Variants in TXNDC16 observed in about 807,000 individuals in gnomAD.
TXNDC16 encodes the protein thioredoxin domain-containing protein 16.
Under a neutral mutation model 85.6 loss-of-function variants are expected in TXNDC16, and 74 were observed. The observed-to-expected ratio is 0.86, with a 90% CI of 0.72 to 1.05. The LOEUF is 1.05. Ranked by LOEUF, TXNDC16 falls within the 50% of genes least tolerant of loss-of-function variation. The pLI is 0.00. For missense variants in TXNDC16, 959 were observed against 947.0 expected (o/e 1.01, Z -0.17); for synonymous variants, 335 against 326.5 (o/e 1.03, Z -0.28).
chr14:52,532,822 A>T (rs1442206741), intron 6 of TXNDC16, among the ~76,000 whole-genome samples: 2 of 152,082 alleles, frequency 1.3e-5, no homozygotes, highest in African/African-American at 4.8e-5. Flanking sequence ...GGTATTTCAA[A>T]CTGATGGTTT....
At chr14:52,510,682 ATATC>A (rs748977400) in intron 9 of TXNDC16, among the ~76,000 whole-genome samples, 2 of 152,350 alleles carry the variant, frequency 1.3e-5, no homozygotes, top group East Asian at 3.9e-4. Flanking sequence ...CTGAATGAGA[ATATC>A]TACTAAAGAT....
intron 1 of TXNDC16, among the ~76,000 whole-genome samples, chr14:52,544,712 A>C (rs1033915646): frequency 6.6e-6 from 1 of 152,046 alleles, no homozygotes; most frequent in African/African-American, 2.4e-5. Flanking sequence ...TGAAAAAAAA[A>C]ATGAAGTAAT....
intron 16 of TXNDC16, among the ~76,000 whole-genome samples, chr14:52,462,258 C>T (rs2035669456): frequency 6.6e-6 from 1 of 152,102 alleles, no homozygotes. Context: ...ACACAGTCTT[C>T]CTGTGTAGCC....
chr14:52,470,251 T>A, intron 15 of TXNDC16, 78 bp from the exon 16 acceptor site: 1 of 1,094,638 alleles, frequency 9.1e-7, no homozygotes, highest in Non-Finnish European at 1.3e-6. Flanking sequence ...ATACTAAACA[T>A]AGCAAACAAT....
intron 18 of TXNDC16, among the ~76,000 whole-genome samples, chr14:52,447,776 C>T (rs552192791): frequency 1.3e-5 from 2 of 152,102 alleles, no homozygotes; most frequent in South Asian, 4.2e-4. Context: ...TTAGAGAAAA[C>T]TCAAAGAAAT....
intron 9 of TXNDC16, among the ~76,000 whole-genome samples, chr14:52,507,323 A>G (rs1566567451): frequency 6.6e-6 from 1 of 152,032 alleles, no homozygotes; most frequent in Non-Finnish European, 1.5e-5. Flanking sequence ...AATTGCTTCA[A>G]AGAGAATAAA....
intron 20 of TXNDC16, among the ~76,000 whole-genome samples, chr14:52,436,542 G>C (rs2035031898): frequency 6.6e-6 from 1 of 152,014 alleles, no homozygotes; most frequent in East Asian, 1.9e-4. Context: ...GTACTGAATT[G>C]TACACTCTAA....
chr14:52,516,286 C>T (rs2037081447), intron 7 of TXNDC16, among the ~76,000 whole-genome samples: 1 of 152,150 alleles, frequency 6.6e-6, no homozygotes, highest in Admixed American at 6.6e-5. Flanking sequence ...TATGAATAGA[C>T]AACTTTTGCA....
Position 52,478,683 on chromosome 14 carries a change from CA to C in TXNDC16, c.1312+3546del, listed in dbSNP as rs758923777. On this transcript the variant is annotated intron_variant, in intron 14 of 20. Transcript: ENST00000281741. ...ATTGAAATGGTAATAAAATTACCAA[CA>C]AAAAAAAAGTCCAGGACCAGACAGA... is the stretch of plus-strand genomic sequence containing the variant. 1.3e-3 allele frequency among the ~76,000 whole-genome samples: 197 copies of C among 150,684 alleles called. 2 individuals carry two copies. The highest frequency in any genetic ancestry group is 0.012 in the Admixed American group (180 of 15,130).
intron 3 of TXNDC16, 149 bp from the exon 4 acceptor site, chr14:52,542,602 T>G: frequency 1.9e-6 from 1 of 524,894 alleles, no homozygotes; most frequent in Non-Finnish European, 3.4e-6. Context: ...CACACCCTTA[T>G]TTTACTATTG....
intron 9 of TXNDC16, among the ~76,000 whole-genome samples, chr14:52,506,179 A>C (rs2036795121): frequency 1.3e-5 from 2 of 152,242 alleles, no homozygotes; most frequent in Non-Finnish European, 2.9e-5. Flanking sequence ...TTCTGAAACT[A>C]TTCCAATCAA....
intron 12 of TXNDC16, among the ~76,000 whole-genome samples, chr14:52,486,488 G>A (rs2036275338): frequency 6.6e-6 from 1 of 151,924 alleles, no homozygotes; most frequent in South Asian, 2.1e-4. Context: ...TTGTCATGTT[G>A]CCCAGGCTGG....
chr14:52,521,253 C>T (rs950045765), intron 6 of TXNDC16, among the ~76,000 whole-genome samples: 17 of 150,748 alleles, frequency 1.1e-4, no homozygotes, highest in African/African-American at 4.1e-4. Context: ...GCTGGGACTA[C>T]AGGCGTGCAC....
At chr14:52,493,234 CAT>C (rs2036456068) in intron 9 of TXNDC16, among the ~76,000 whole-genome samples, 1 of 129,658 alleles carries the variant, frequency 7.7e-6, no homozygotes, top group African/African-American at 3.2e-5. Flanking sequence ...CACACACACA[CAT>C]ATTTAAAAGT....
intron 6 of TXNDC16, among the ~76,000 whole-genome samples, chr14:52,526,310 A>G (rs1424088102): frequency 3.9e-5 from 6 of 152,202 alleles, no homozygotes; most frequent in Non-Finnish European, 4.4e-5. Flanking sequence ...AAAAGGTACC[A>G]AAAAAGTTAG....
intron 11 of TXNDC16, among the ~76,000 whole-genome samples, chr14:52,488,831 G>GAAAAAAAAAAAAAAAA (rs199871075): frequency 1.1e-5 from 1 of 89,958 alleles, no homozygotes; most frequent in African/African-American, 4.6e-5. Context: ...GAGACTCTGG[G>GAAAAAAAAAAAAAAAA]AAAAAAAAAA....
intron 20 of TXNDC16, among the ~76,000 whole-genome samples, chr14:52,435,720 G>A (rs368960872): frequency 1.3e-5 from 2 of 152,078 alleles, no homozygotes; most frequent in African/African-American, 4.8e-5. Context: ...CAACACTTTG[G>A]GGGGCTGAGG....
chr14:52,531,226 C>T (rs1384862215), intron 6 of TXNDC16, among the ~76,000 whole-genome samples: 4 of 152,018 alleles, frequency 2.6e-5, no homozygotes, highest in African/African-American at 4.8e-5. Context: ...GGTGGGAATG[C>T]GAAATGGTAC....
At chr14:52,512,842 C>G (rs1435049567) in intron 8 of TXNDC16, among the ~76,000 whole-genome samples, 1 of 152,124 alleles carries the variant, frequency 6.6e-6, no homozygotes, top group African/African-American at 2.4e-5. Context: ...GGGAAGACAC[C>G]TTTCTGTTTT....
Sources: gnomAD v4.1 joint callset for allele counts (sites outside exome capture counted in the v4.1 genomes callset) on GRCh38, gnomAD v4.1.1 for gene constraint, MANE v1.5 for transcripts, NCBI Gene and HGNC (gene_info 2026-07-23, HGNC 2026-07-21) for gene names.